The following CCDC171 variants were observed in gnomAD, a reference collection of about 807,000 sequenced individuals.
CCDC171 encodes the protein coiled-coil domain-containing protein 171.
Under a neutral mutation model 168.2 loss-of-function variants are expected in CCDC171, and 177 were observed. The observed-to-expected ratio is 1.05, with a 90% CI of 0.93 to 1.19. The LOEUF (loss-of-function observed/expected upper bound fraction) is 1.19, where lower values mean the gene tolerates loss of function less well. Ranked by LOEUF, CCDC171 falls within the 50% of genes most tolerant of loss-of-function variation. The pLI, the probability that CCDC171 is intolerant of heterozygous loss-of-function variation, is 0.00. For synonymous variants in CCDC171, 687 were observed against 540.8 expected, an observed-to-expected ratio of 1.27 and a Z score of -3.75; for missense variants, 1,991 against 1,539.0, an observed-to-expected ratio of 1.29 and a Z score of -4.91.
At chr9:15,796,586 C>A (rs977741394) in intron 21 of CCDC171, among the ~76,000 whole-genome samples, 7 of 152,166 alleles carry the variant, frequency 4.6e-5, no homozygotes, top group African/African-American at 1.7e-4. Context: ...TGCCTTTTGA[C>A]AAATGTATAC....
the CCDC171 span, among the ~76,000 whole-genome samples, chr9:16,106,273 T>A: frequency 6.6e-6 from 1 of 152,208 alleles, no homozygotes; most frequent in African/African-American, 2.4e-5. Context: ...CTCAAATTAT[T>A]TGCCCAAACA....
intron 11 of CCDC171, among the ~76,000 whole-genome samples, chr9:15,716,599 A>G (rs1445525934): frequency 6.6e-6 from 1 of 152,160 alleles, no homozygotes; most frequent in Admixed American, 6.5e-5. Flanking sequence ...TTAATAAAGA[A>G]AGGAGATTTA....
chr9:15,954,366 A>G (rs1340231136), intron 25 of CCDC171, among the ~76,000 whole-genome samples: 1 of 151,890 alleles, frequency 6.6e-6, no homozygotes, highest in Non-Finnish European at 1.5e-5. Flanking sequence ...AAGTTTTGAT[A>G]TGTTGTGTTT....
chr9:15,689,318 T>C (rs1196560224), intron 10 of CCDC171, among the ~76,000 whole-genome samples: 2 of 152,180 alleles, frequency 1.3e-5, no homozygotes, highest in African/African-American at 2.4e-5. Context: ...AAAATCTCAG[T>C]TGACTTTTTG....
At chr9:15,576,757 G>C (rs2040701138) in intron 3 of CCDC171, among the ~76,000 whole-genome samples, 1 of 152,174 alleles carries the variant, frequency 6.6e-6, no homozygotes. Context: ...GTGAATACCA[G>C]ATTAGCAAGA....
intron 24 of CCDC171, among the ~76,000 whole-genome samples, chr9:15,918,646 T>C (rs1824880927): frequency 6.6e-6 from 1 of 150,896 alleles, no homozygotes; most frequent in Non-Finnish European, 1.5e-5. Context: ...GGTTAGGATA[T>C]GTCAGATATT....
chr9:15,627,759 A>G (rs2045289798), intron 7 of CCDC171, among the ~76,000 whole-genome samples: 1 of 152,186 alleles, frequency 6.6e-6, no homozygotes, highest in Non-Finnish European at 1.5e-5. Context: ...GTTTTGGAGT[A>G]AGTGTGATGT....
chr9:15,581,804 G>A (rs947587612), intron 4 of CCDC171, among the ~76,000 whole-genome samples: 3 of 152,000 alleles, frequency 2.0e-5, no homozygotes, highest in African/African-American at 7.3e-5. Flanking sequence ...AGACTTAAAC[G>A]TAAGACCTAA....
At chr9:15,661,757 T>C (rs1429728342) in intron 8 of CCDC171, among the ~76,000 whole-genome samples, 1 of 152,262 alleles carries the variant, frequency 6.6e-6, no homozygotes, top group African/African-American at 2.4e-5. Flanking sequence ...TTTTGTAGTC[T>C]ATTTTTCTTT....
chr9:15,676,621 C>T (rs1266567014), intron 9 of CCDC171, among the ~76,000 whole-genome samples: 2 of 152,024 alleles, frequency 1.3e-5, no homozygotes, highest in Non-Finnish European at 2.9e-5. Flanking sequence ...CTCTAATTCT[C>T]TTGTATTTTG....
chr9:15,556,136 A>G (rs528316160), intron 1 of CCDC171, among the ~76,000 whole-genome samples: 1 of 152,290 alleles, frequency 6.6e-6, no homozygotes, highest in African/African-American at 2.4e-5. Flanking sequence ...TGGTGCCGCA[A>G]TAAACATATG....
chr9:15,628,364 C>G (rs906913309), intron 7 of CCDC171, among the ~76,000 whole-genome samples: 3 of 152,182 alleles, frequency 2.0e-5, no homozygotes, highest in African/African-American at 7.2e-5. Context: ...AAACGGCGCA[C>G]CAGGAGATTA....
In CCDC171 at chr9:15,779,137, A is replaced by G; in HGVS notation, c.3068A>G (p.Glu1023Gly). ...KAQGLQMQLN[E>G]FKQSKLITHE... ...CAGGGTCTGCAAATGCAATTAAATG[A>G]ATTTAAGCAGTCTGTAAGTATATAT... Residue 1023 changes from glutamate (E) to glycine (G), a missense_variant, in exon 20 of 26, where the codon GAA (glutamate) becomes GGA (glycine). Transcript: ENST00000380701. 6.3e-7 allele frequency: 1 copy of G among 1,575,666 alleles called. No homozygotes were observed. The highest frequency in any genetic ancestry group is 8.6e-7 in the Non-Finnish European group (1 of 1,164,208).
At chr9:15,888,205 TACTTA>T (rs911089500) in intron 24 of CCDC171, 3 of 152,252 alleles carry the variant, frequency 2.0e-5, no homozygotes, top group African/African-American at 7.2e-5. Context: ...AAAGGAGTAC[TACTTA>T]ACTTTTAAAA....
intron 18 of CCDC171, among the ~76,000 whole-genome samples, chr9:15,753,030 A>G (rs998894961): frequency 2.6e-5 from 4 of 152,180 alleles, no homozygotes; most frequent in African/African-American, 9.7e-5. Context: ...TGTGTTATGT[A>G]TATATTCTAG....
intron 23 of CCDC171, among the ~76,000 whole-genome samples, chr9:15,872,636 T>G (rs1205097206): frequency 6.6e-6 from 1 of 151,972 alleles, no homozygotes; most frequent in East Asian, 1.9e-4. Context: ...TAGTATCTCA[T>G]TTGGGGGCTC....
rs577131015 is a variant in CCDC171, at chr9:15,711,508, T to C, written c.1319-10261T>C. Among the ~76,000 whole-genome samples the C allele has an allele frequency of 3.3e-5, 5 of 152,296 alleles. No homozygotes were observed. The East Asian group carries it at 9.6e-4, about 29-fold the overall frequency. ...TTTAGGAGAAATTGTAGACTTTTTT[T>C]CCATTTTAGTGATAGAATATTAAGA... On this transcript the variant is annotated intron_variant, in intron 11 of 25. Transcript: ENST00000380701.
At chr9:15,715,242 C>G (rs551153561) in intron 11 of CCDC171, among the ~76,000 whole-genome samples, 1 of 152,296 alleles carries the variant, frequency 6.6e-6, no homozygotes, top group African/African-American at 2.4e-5. Flanking sequence ...GAAGGACTTA[C>G]ATAATAAATA....
intron 25 of CCDC171, among the ~76,000 whole-genome samples, chr9:15,961,485 T>C (rs900685769): frequency 3.3e-5 from 5 of 152,112 alleles, no homozygotes; most frequent in African/African-American, 4.8e-5. Context: ...TTGCGCAGAG[T>C]AGAGGAACAA....
Sources: allele counts gnomAD v4.1 joint callset (sites outside exome capture counted in the v4.1 genomes callset), GRCh38; gene constraint gnomAD v4.1.1; transcripts MANE v1.5; gene names NCBI Gene and HGNC (gene_info 2026-07-23, HGNC 2026-07-21).